The following EYS variants were observed in gnomAD, a reference collection of about 807,000 sequenced individuals.
The protein encoded by EYS is protein eyes shut homolog.
EYS carries 250 observed loss-of-function variants against 282.1 expected under a neutral mutation model. The observed-to-expected ratio is 0.89, with a 90% CI of 0.80 to 0.98. EYS has a LOEUF of 0.98. Among genes scored for constraint, EYS ranks in the 50% least tolerant of loss-of-function variants. The pLI, the probability that EYS is intolerant of heterozygous loss-of-function variation, is 0.00. For missense variants in EYS, 4,016 were observed against 3,709.0 expected (o/e 1.08, Z -2.15); for synonymous variants, 1,355 against 1,282.9 (o/e 1.06, Z -1.20).
At chr6:65,528,833 A>G (rs1157054746) in intron 2 of EYS, among the ~76,000 whole-genome samples, 1 of 152,232 alleles carries the variant, frequency 6.6e-6, no homozygotes. Context: ...AATTTCAATA[A>G]TAAACCAATA....
intron 13 of EYS, among the ~76,000 whole-genome samples, chr6:65,047,006 C>G (rs2150152393): frequency 6.6e-6 from 1 of 151,866 alleles, no homozygotes; most frequent in South Asian, 2.1e-4. Flanking sequence ...TGCTTGCTTC[C>G]CCTTCACCTT....
chr6:64,464,080 C>T (rs1434165380), intron 26 of EYS, among the ~76,000 whole-genome samples: 1 of 152,154 alleles, frequency 6.6e-6, no homozygotes, highest in East Asian at 1.9e-4. Flanking sequence ...TTGAACAACA[C>T]ATTAAAATCA....
Position 64,388,747 on chromosome 6 carries a change from CAGGGGTTTTCCG to C in EYS, c.6009_6020del (p.Gly2004_Leu2007del). 1 of 1,544,978 alleles carries C rather than the reference CAGGGGTTTTCCG, an allele frequency of 6.5e-7. No homozygotes were observed. The highest frequency in any genetic ancestry group is 1.4e-5 in the African/African-American group (1 of 72,974). On this transcript the variant is annotated inframe_deletion, in exon 29 of 43. Transcript: ENST00000503581. ...CAATGAAGACAGATCCTGATTTTGG[CAGGGGTTTTCCG>C]AGTACATGATTGATAGATTCGCATA...
intron 26 of EYS, among the ~76,000 whole-genome samples, chr6:64,522,292 G>C (rs960615095): frequency 6.6e-6 from 1 of 151,684 alleles, no homozygotes; most frequent in East Asian, 1.9e-4. Flanking sequence ...ATCACACATA[G>C]AAGCATATAT....
intron 2 of EYS, among the ~76,000 whole-genome samples, chr6:65,560,444 G>A (rs1402187885): frequency 6.9e-6 from 1 of 145,514 alleles, no homozygotes; most frequent in Non-Finnish European, 1.5e-5. Flanking sequence ...ATATATTGCA[G>A]GACACAAATA....
chr6:63,986,565 A>T (rs1767376626), intron 34 of EYS, among the ~76,000 whole-genome samples: 1 of 151,976 alleles, frequency 6.6e-6, no homozygotes. Context: ...AATGTGGTAC[A>T]TATACACCAT....
intron 26 of EYS, among the ~76,000 whole-genome samples, chr6:64,522,779 C>T (rs182036460): frequency 1.3e-5 from 2 of 151,728 alleles, no homozygotes; most frequent in East Asian, 3.9e-4. Context: ...ATGTAAAGCA[C>T]AATTTGTAAA....
intron 13 of EYS, among the ~76,000 whole-genome samples, chr6:65,031,705 C>T (rs1278244598): frequency 6.6e-6 from 1 of 151,528 alleles, no homozygotes; most frequent in Admixed American, 6.6e-5. Flanking sequence ...TATAATTTAC[C>T]AGAATCTCTG....
chr6:65,646,444 T>A (rs1280978149), intron 1 of EYS, among the ~76,000 whole-genome samples: 4 of 152,170 alleles, frequency 2.6e-5, no homozygotes, highest in Non-Finnish European at 4.4e-5. Context: ...TATCAATAGA[T>A]GCAGACAAAG....
rs34663169 is a variant in EYS at position 64,249,063 on chromosome 6, C to CAAAAAAAAAAAAAAAAAAA, written c.6192-18258_6192-18240dup. 2.2e-3 allele frequency among the ~76,000 whole-genome samples: 156 copies of CAAAAAAAAAAAAAAAAAAA among 70,044 alleles called. 6 individuals carry two copies. Among genetic ancestry groups the CAAAAAAAAAAAAAAAAAAA allele is most frequent in the African/African-American group, 6.3e-3 (89 of 14,216 alleles). The allele number at this position is 70,044 out of a possible 152,430, so 46.0% of individuals were successfully genotyped here. On this transcript the variant is annotated intron_variant, in intron 30 of 42. Coordinates refer to ENST00000503581, the MANE Select transcript of EYS (RefSeq NM_001142800.2). ...TGGGCTACAGAGTGACACCCTGTCTCAAAAAAAAAAAAAAAAAAAAAAGAT... is the reference window on the plus strand; with the variant it reads ...TGGGCTACAGAGTGACACCCTGTCTCAAAAAAAAAAAAAAAAAAAAAAAAAAAAAAAAAAAAAAAAAGAT...
chr6:65,340,041 A>T (rs1319602746), intron 10 of EYS, among the ~76,000 whole-genome samples: 1 of 151,096 alleles, frequency 6.6e-6, no homozygotes, highest in East Asian at 2.0e-4. Context: ...TATTTAGCTA[A>T]CTAAAAGGGA....
chr6:64,560,345 A>G lies in EYS; in HGVS notation c.5644+29878T>C, dbSNP rs1368657476. Among the ~76,000 whole-genome samples, 3 of 152,098 alleles carry G rather than the reference A, an allele frequency of 2.0e-5. No individual in the cohort carries two copies. The East Asian group carries it at 5.8e-4, about 29-fold the overall frequency. ...ATTTTCTTCTCTGTCAAGATTATAT[A>G]TATTGGCCTTATTTTCTTTTGCATC... On this transcript the variant is annotated intron_variant, in intron 26 of 42. Coordinates refer to ENST00000503581, the MANE Select transcript of EYS (RefSeq NM_001142800.2).
intron 13 of EYS, among the ~76,000 whole-genome samples, chr6:65,002,805 T>C (rs2150128473): frequency 6.8e-6 from 1 of 147,630 alleles, no homozygotes; most frequent in Non-Finnish European, 1.5e-5. Context: ...TTCCCCAAAT[T>C]AATACTTTTA....
intron 31 of EYS, among the ~76,000 whole-genome samples, chr6:64,212,208 A>C (rs1765801587): frequency 6.6e-6 from 1 of 152,102 alleles, no homozygotes; most frequent in South Asian, 2.1e-4. Flanking sequence ...TAATAATCTC[A>C]TCTAGAGAGA....
At chr6:64,716,471 ATGGTGATTCATTAATCCTCTCTAACAAT>A (rs1232591401) in intron 22 of EYS, among the ~76,000 whole-genome samples, 1 of 152,204 alleles carries the variant, frequency 6.6e-6, no homozygotes, top group African/African-American at 2.4e-5. Context: ...ATTGCATACC[ATGGTGATTCATTAATCCTCTCTAACAAT>A]TGTGCCTTAA....
At chr6:64,679,982 T>A (rs2149903402) in intron 22 of EYS, among the ~76,000 whole-genome samples, 1 of 152,290 alleles carries the variant, frequency 6.6e-6, no homozygotes, top group African/African-American at 2.4e-5. Flanking sequence ...CCAGGCCAAA[T>A]TTTTACATAG....
chr6:65,612,688 C>T (rs7747445), intron 2 of EYS, among the ~76,000 whole-genome samples: 105,979 of 151,296 alleles, frequency 0.7, 37,398 homozygotes, highest in Middle Eastern at 0.76. Flanking sequence ...ACTCATTCTA[C>T]AGTATTAATC....
At chr6:63,842,466 C>A (rs1021645472) in intron 36 of EYS, among the ~76,000 whole-genome samples, 5 of 151,832 alleles carry the variant, frequency 3.3e-5, no homozygotes, top group African/African-American at 1.2e-4. Flanking sequence ...TTGTTTTTTT[C>A]TTGTAAGTTT....
chr6:63,875,689 T>C (rs1280012451), intron 35 of EYS, among the ~76,000 whole-genome samples: 1 of 152,174 alleles, frequency 6.6e-6, no homozygotes, highest in Non-Finnish European at 1.5e-5. Flanking sequence ...TTCTTCCTGG[T>C]TTAGTCTTGG....
Sources: gnomAD v4.1 joint callset for allele counts (sites outside exome capture counted in the v4.1 genomes callset) on GRCh38, gnomAD v4.1.1 for gene constraint, MANE v1.5 for transcripts, NCBI Gene and HGNC (gene_info 2026-07-23, HGNC 2026-07-21) for gene names.